Variants in DFFB observed in about 807,000 individuals in gnomAD.
DFFB encodes DNA fragmentation factor subunit beta.
DFFB carries 29 observed loss-of-function variants against 32.7 expected under a neutral mutation model. That is an observed-to-expected ratio of 0.89 (90% CI 0.66 to 1.21). The LOEUF is 1.21. DFFB is among the 50% of genes most tolerant of loss of function. DFFB has a pLI of 0.00. For missense variants in DFFB, 398 were observed against 440.6 expected (o/e 0.90, Z 0.87); for synonymous variants, 170 against 177.1 (o/e 0.96, Z 0.32).
At chr1:3,875,894 A>G (rs139520269) in intron 6 of DFFB, among the ~76,000 whole-genome samples, 588 of 152,242 alleles carry the variant, frequency 3.9e-3, no homozygotes, top group African/African-American at 0.013. Flanking sequence ...CTTCTGCCTC[A>G]GCTTCCCGAG....
intron 1 of DFFB, among the ~76,000 whole-genome samples, chr1:3,857,985 C>T (rs12127619): frequency 0.3 from 45,411 of 152,088 alleles, 7,830 homozygotes; most frequent in African/African-American, 0.47. Flanking sequence ...AGCTAGGAGA[C>T]CCGGGTAGAG....
At chr1:3,880,063 C>T (rs2124768260) in intron 6 of DFFB, among the ~76,000 whole-genome samples, 1 of 152,326 alleles carries the variant, frequency 6.6e-6, no homozygotes, top group South Asian at 2.1e-4. Flanking sequence ...GGCCTTGGGT[C>T]ACTGGATAGT....
At chr1:3,876,836 C>T (rs1489457941) in intron 6 of DFFB, among the ~76,000 whole-genome samples, 2 of 152,262 alleles carry the variant, frequency 1.3e-5, no homozygotes, top group Admixed American at 1.3e-4. Context: ...AACACCTTCC[C>T]TCTCGGGCTG....
intron 6 of DFFB, among the ~76,000 whole-genome samples, chr1:3,882,571 G>A (rs1645361937): frequency 6.6e-6 from 1 of 152,100 alleles, no homozygotes; most frequent in South Asian, 2.1e-4. Flanking sequence ...CGCCATCTTG[G>A]CCAGGCTGGT....
At chr1:3,864,029 C>T (rs1349183470) in intron 2 of DFFB, among the ~76,000 whole-genome samples, 4 of 152,048 alleles carry the variant, frequency 2.6e-5, no homozygotes, top group South Asian at 2.1e-4. Flanking sequence ...TACAGTGGCG[C>T]GATCTCGGCT....
chr1:3,879,454 G>A (rs150609007), intron 6 of DFFB, among the ~76,000 whole-genome samples: 1 of 152,312 alleles, frequency 6.6e-6, no homozygotes, highest in African/African-American at 2.4e-5. Flanking sequence ...AGGCGATAAG[G>A]TCTTTGGGAG....
Position 3,865,685 on chromosome 1 carries a change from G to A in DFFB, c.242-127G>A. ...AGGACAAAGACCCGGGACACCTCAA[G>A]TCTGAGTCCTGGTGATTGCCAGGCC... On this transcript the variant is annotated intron_variant, in intron 2 of 6. Transcript: ENST00000378209. The surrounding 1 kb of genome is among the most constrained non-coding windows in gnomAD (Gnocchi z 4.7). The A allele has an allele frequency of 6.8e-7, 1 of 1,473,690 alleles. No homozygotes were observed. The highest frequency in any genetic ancestry group is 9.5e-7 in the Non-Finnish European group (1 of 1,052,692). 91.3% of individuals were successfully genotyped at this position (1,473,690 alleles called of 1,614,324 possible).
chr1:3,873,562 C>G (rs556270846), intron 6 of DFFB, among the ~76,000 whole-genome samples: 198 of 152,030 alleles, frequency 1.3e-3, no homozygotes, highest in Admixed American at 2.4e-3. Flanking sequence ...TCACCGCAAC[C>G]TCCGCCTCCC....
chr1:3,872,708 G>C, intron 6 of DFFB, 136 bp downstream of exon 6: 1 of 804,940 alleles, frequency 1.2e-6, no homozygotes, highest in East Asian at 2.6e-5. Flanking sequence ...GGTTTCAAGG[G>C]CTGCACCCGT....
At chr1:3,879,623 T>C (rs1274763308) in intron 6 of DFFB, among the ~76,000 whole-genome samples, 1 of 152,172 alleles carries the variant, frequency 6.6e-6, no homozygotes, top group African/African-American at 2.4e-5. Flanking sequence ...GCACCCGGCG[T>C]GCGGGCACCT....
intron 1 of DFFB, 122 bp downstream of exon 1, chr1:3,857,839 C>A (rs1338580443): frequency 1.5e-6 from 1 of 669,770 alleles, no homozygotes; most frequent in East Asian, 3.4e-5. Flanking sequence ...AGTTTTCGTT[C>A]GCCTCAGCCG....
intron 2 of DFFB, among the ~76,000 whole-genome samples, chr1:3,864,593 A>G (rs1644939826): frequency 6.6e-6 from 1 of 151,798 alleles, no homozygotes; most frequent in Non-Finnish European, 1.5e-5. Flanking sequence ...AGTGGCAATC[A>G]TGGCTCACTG....
Position 3,865,904 on chromosome 1 carries a change from G to C in DFFB, c.334G>C (p.Ala112Pro). 1 of 1,613,312 alleles carries C rather than the reference G, an allele frequency of 6.2e-7. No individual in the cohort carries two copies. The highest frequency in any genetic ancestry group is 1.1e-5 in the South Asian group (1 of 91,028). ...CCAGCAGCTGCTGTGTGATGAGCAG[G>C]CCCCACAGAGGCAGAGGCTGCTGGC... ...AAQQLLCDEQ[A>P]PQRQRLLADL... The change falls in exon 3 of 7, where the codon GCC becomes CCC. Residue 112 changes from alanine to proline, a missense_variant. By Grantham distance (27) the Ala-to-Pro change is conservative. Transcript: ENST00000378209. The surrounding 1 kb of genome is among the most constrained non-coding windows in gnomAD (Gnocchi z 4.7).
intron 6 of DFFB, among the ~76,000 whole-genome samples, chr1:3,878,952 G>A (rs57517757): frequency 6.6e-6 from 1 of 151,982 alleles, no homozygotes; most frequent in Non-Finnish European, 1.5e-5. Flanking sequence ...CATTTGAAAA[G>A]GTCCGTTCAA....
intron 2 of DFFB, 36 bp downstream of exon 2, chr1:3,858,880 T>G: frequency 6.2e-7 from 1 of 1,607,886 alleles, no homozygotes; most frequent in Non-Finnish European, 8.5e-7. Flanking sequence ...GGCGGGAAGC[T>G]GGCACTCTCC....
intron 6 of DFFB, among the ~76,000 whole-genome samples, chr1:3,876,413 T>C (rs1645222679): frequency 6.6e-6 from 1 of 152,180 alleles, no homozygotes; most frequent in South Asian, 2.1e-4. Flanking sequence ...GCTGCGGTTA[T>C]ATTTTCTCTC....
At chr1:3,875,996 C>G (rs1243409544) in intron 6 of DFFB, among the ~76,000 whole-genome samples, 1 of 152,156 alleles carries the variant, frequency 6.6e-6, no homozygotes, top group South Asian at 2.1e-4. Flanking sequence ...CCAGGCTGGT[C>G]TCAAACTCTG....
intron 6 of DFFB, among the ~76,000 whole-genome samples, chr1:3,878,216 A>G (rs1482921799): frequency 6.6e-6 from 1 of 151,468 alleles, no homozygotes; most frequent in East Asian, 1.9e-4. Context: ...CAGTGGCGCA[A>G]TCTCCTCTGA....
At position 3,883,058 on chromosome 1, in the gene DFFB, C is replaced by T. The variant is rs569043975; in HGVS notation, c.783-449C>T. On this transcript the variant is annotated intron_variant, in intron 6 of 6. Coordinates refer to ENST00000378209, the MANE Select transcript of DFFB (RefSeq NM_004402.4). ...TGCTTTTGTTGCCTAGGCTGGAGTG[C>T]GGTGGCGTGATCTTGGCTCACTGCA... is the stretch of plus-strand genomic sequence containing the variant. Among the ~76,000 whole-genome samples the T allele has an allele frequency of 7.4e-5, 11 of 148,198 alleles. No individual in the cohort carries two copies. In the South Asian group the frequency reaches 1.1e-3, roughly 14 times the overall value.
Sources: gnomAD v4.1 joint callset for allele counts (sites outside exome capture counted in the v4.1 genomes callset) on GRCh38, gnomAD v4.1.1 for gene constraint, Gnocchi (gnomAD v3.1) non-coding constraint, MANE v1.5 for transcripts, NCBI Gene and HGNC (gene_info 2026-07-23, HGNC 2026-07-21) for gene names.